SNX29: variants seen among roughly 807,000 people sequenced by gnomAD.
SNX29 encodes sorting nexin 29.
Under a neutral mutation model 102.1 loss-of-function variants are expected in SNX29, and 78 were observed. The ratio of observed to expected loss-of-function variants is 0.76; its 90% CI spans 0.64 to 0.92. The LOEUF is 0.92. SNX29 is among the 40% of genes least tolerant of loss of function. SNX29 has a pLI of 0.00. For missense variants in SNX29, 1,280 were observed against 1,061.7 expected (o/e 1.21, Z -2.86); for synonymous variants, 580 against 414.5 (o/e 1.40, Z -4.85).
chr16:12,531,174 T>C (rs2076922323), intron 20 of SNX29, among the ~76,000 whole-genome samples: 1 of 152,226 alleles, frequency 6.6e-6, no homozygotes, highest in Non-Finnish European at 1.5e-5. Flanking sequence ...GAAGCCACTC[T>C]TCCCAGGTGT....
chr16:12,567,525 C>T (rs1178900492), intron 20 of SNX29, among the ~76,000 whole-genome samples: 2 of 152,128 alleles, frequency 1.3e-5, no homozygotes, highest in East Asian at 1.9e-4. Flanking sequence ...TGGCTCACAC[C>T]TGTAATCCCA....
At chr16:12,378,369 G>A (rs2082951895) in intron 16 of SNX29, among the ~76,000 whole-genome samples, 1 of 152,306 alleles carries the variant, frequency 6.6e-6, no homozygotes, top group Admixed American at 6.5e-5. Flanking sequence ...ATAAATAGAG[G>A]CCAGGTGCGG....
chr16:12,251,098 T>C (rs1596634528), intron 14 of SNX29, among the ~76,000 whole-genome samples: 1 of 152,196 alleles, frequency 6.6e-6, no homozygotes, highest in Admixed American at 6.5e-5. Context: ...GTTGGGAGCA[T>C]AGGCGCAAGG....
intron 19 of SNX29, among the ~76,000 whole-genome samples, chr16:12,483,113 A>ATTTTTTT (rs2088027764): frequency 8.3e-5 from 5 of 60,474 alleles, no homozygotes; most frequent in African/African-American, 1.4e-4. Context: ...GAAGTTATTA[A>ATTTTTTT]GTTTTTTTTT....
intron 7 of SNX29, among the ~76,000 whole-genome samples, chr16:12,050,190 G>C (rs888826008): frequency 1.3e-5 from 2 of 152,128 alleles, no homozygotes; most frequent in South Asian, 2.1e-4. Context: ...TTGGAACTCT[G>C]CTTTTGAGGT....
chr16:12,170,314 A>G (rs150507870), intron 13 of SNX29, among the ~76,000 whole-genome samples: 2,203 of 152,082 alleles, frequency 0.014, 28 homozygotes, highest in South Asian at 0.042. Context: ...AGTGAATCTC[A>G]GTGAACGTGT....
intron 20 of SNX29, among the ~76,000 whole-genome samples, chr16:12,553,381 A>C (rs1376352756): frequency 6.6e-6 from 1 of 152,196 alleles, no homozygotes; most frequent in Non-Finnish European, 1.5e-5. Flanking sequence ...CATGCTCTCA[A>C]GTTGAACATA....
At chr16:12,477,904 A>G in intron 19 of SNX29, 45 bp downstream of exon 19, 1 of 1,541,430 alleles carries the variant, frequency 6.5e-7, no homozygotes, top group Non-Finnish European at 8.7e-7. Flanking sequence ...GCCTGCGTTA[A>G]AATGGATTAT....
intron 3 of SNX29, among the ~76,000 whole-genome samples, chr16:12,012,285 C>A (rs1488605278): frequency 3.3e-5 from 5 of 151,556 alleles, no homozygotes; most frequent in African/African-American, 9.7e-5. Context: ...GGATGTGGGG[C>A]AAAGTGGTGG....
At chr16:12,060,350 G>A (rs1691549478) in intron 8 of SNX29, among the ~76,000 whole-genome samples, 1 of 152,122 alleles carries the variant, frequency 6.6e-6, no homozygotes, top group Admixed American at 6.5e-5. Flanking sequence ...CTAGCACTTG[G>A]GGAGGCTGAA....
At chr16:12,430,506 C>G (rs550389049) in intron 18 of SNX29, among the ~76,000 whole-genome samples, 12 of 152,340 alleles carry the variant, frequency 7.9e-5, no homozygotes, top group African/African-American at 2.4e-4. Context: ...CCTCAGAGAT[C>G]TATAGCCTTG....
intron 20 of SNX29, chr16:12,545,727 C>T (rs539393375): frequency 2.6e-5 from 4 of 152,288 alleles, no homozygotes; most frequent in Non-Finnish European, 5.9e-5. Flanking sequence ...ACGAGGTCAC[C>T]ATGAAGCCTT....
At chr16:12,222,160 C>T (rs1291812010) in intron 14 of SNX29, among the ~76,000 whole-genome samples, 1 of 152,194 alleles carries the variant, frequency 6.6e-6, no homozygotes, top group African/African-American at 2.4e-5. Context: ...TGCAGAAACA[C>T]AGAGAGCTTA....
intron 3 of SNX29, among the ~76,000 whole-genome samples, chr16:12,012,383 C>T (rs1346082349): frequency 6.6e-6 from 1 of 152,024 alleles, no homozygotes; most frequent in African/African-American, 2.4e-5. Flanking sequence ...TATTGGAATG[C>T]CATCAGTTAG....
intron 19 of SNX29, among the ~76,000 whole-genome samples, chr16:12,513,525 G>A (rs2089729291): frequency 1.3e-5 from 2 of 151,844 alleles, no homozygotes; most frequent in African/African-American, 4.8e-5. Context: ...CCCCTCTTCT[G>A]TCCATGCCTG....
intron 12 of SNX29, among the ~76,000 whole-genome samples, chr16:12,127,092 C>G (rs889381737): frequency 6.6e-6 from 1 of 151,966 alleles, no homozygotes; most frequent in Non-Finnish European, 1.5e-5. Flanking sequence ...AACCCCGTCT[C>G]TACTAAAAAT....
At chr16:12,175,156 A>G (rs1442991208) in intron 13 of SNX29, among the ~76,000 whole-genome samples, 1 of 152,200 alleles carries the variant, frequency 6.6e-6, no homozygotes, top group Non-Finnish European at 1.5e-5. Flanking sequence ...ACTAGGTTGC[A>G]TTTTTATAAA....
chr16:12,142,308 G>A (rs946556073), intron 13 of SNX29, among the ~76,000 whole-genome samples: 2 of 152,122 alleles, frequency 1.3e-5, no homozygotes, highest in Admixed American at 1.3e-4. Context: ...CCTTGGCTGA[G>A]TCTCCTGAGC....
At chr16:12,218,077 T>C (rs1308071378) in intron 14 of SNX29, among the ~76,000 whole-genome samples, 3 of 150,628 alleles carry the variant, frequency 2.0e-5, no homozygotes, top group Non-Finnish European at 4.4e-5. Context: ...TATGGAAGGC[T>C]CTATTATTTG....
Sources: allele counts gnomAD v4.1 joint callset (sites outside exome capture counted in the v4.1 genomes callset), GRCh38; gene constraint gnomAD v4.1.1; transcripts MANE v1.5; gene names NCBI Gene and HGNC (gene_info 2026-07-23, HGNC 2026-07-21).